BRD4: variants seen among roughly 807,000 people sequenced by gnomAD.
BRD4 encodes bromodomain-containing protein 4.
BRD4 carries 16 observed loss-of-function variants against 142.1 expected under a neutral mutation model. The observed-to-expected ratio is 0.11, with a 90% confidence interval of 0.08 to 0.17. The LOEUF (loss-of-function observed/expected upper bound fraction) is 0.17. Ranked by LOEUF, BRD4 falls within the 10% of genes least tolerant of loss-of-function variation. The pLI, the probability that BRD4 is intolerant of heterozygous loss-of-function variation, is 1.00. For synonymous variants in BRD4, 833 were observed against 707.5 expected, an observed-to-expected ratio of 1.18 and a Z score of -2.82; for missense variants, 1,424 against 1,810.9, an observed-to-expected ratio of 0.79 and a Z score of 3.88.
intron 7 of BRD4, among the ~76,000 whole-genome samples, chr19:15,258,747 C>A (rs1273675571): frequency 6.6e-6 from 1 of 152,008 alleles, no homozygotes; most frequent in African/African-American, 2.4e-5. Flanking sequence ...AGAACTGAGA[C>A]CACCATGCCC....
chr19:15,301,921 C>T (rs35673394), intron 1 of BRD4, among the ~76,000 whole-genome samples: 318 of 146,708 alleles, frequency 2.2e-3, no homozygotes, highest in Middle Eastern at 3.7e-3. Context: ...GGTCCCAGCA[C>T]ATTAGGAGGA....
chr19:15,265,347 G>T lies in BRD4; in HGVS notation c.849+7C>A. The T allele has an allele frequency of 6.7e-7, 1 of 1,500,448 alleles. No individual in the cohort carries two copies. Among genetic ancestry groups the T allele is most frequent in the South Asian group, 1.4e-5 (1 of 72,416 alleles). 92.9% of individuals were successfully genotyped at this position (1,500,448 alleles called of 1,614,324 possible). A position where few individuals can be genotyped will look rare whatever the true frequency, so the allele number is the denominator to read the frequency against. On this transcript the variant is annotated splice_region_variant and intron_variant, in intron 5 of 19. Transcript: ENST00000679869. ...TGAAGCAGCCCTCCAGAGTCCAGGA[G>T]ACTCACCTTCACAGGCTGTGGGGTG... is the stretch of plus-strand genomic sequence containing the variant.
chr19:15,254,203 A>G lies in BRD4; in HGVS notation c.2107T>C (p.Ser703Pro). Residue 703 changes from serine to proline, a missense_variant, in exon 11 of 20, where the codon TCG becomes CCG. Coordinates refer to ENST00000679869, the MANE Select transcript of BRD4 (RefSeq NM_001379291.1). The part of the protein sequence containing the change: ...SKMKGFSSSE[S>P]ESSSESSSSD... ...GAGCTGGACTCACTGGAGCTCTCCG[A>G]CTCTGAGGACGAGAAGCCCTTCATC... 1 of 1,613,990 alleles carries G rather than the reference A, an allele frequency of 6.2e-7. No individual in the cohort carries two copies. The highest frequency in any genetic ancestry group is 8.5e-7 in the Non-Finnish European group (1 of 1,179,970).
In BRD4 at chr19:15,257,067, G is replaced by C; in HGVS notation, c.1448C>G (p.Pro483Arg). 4.4e-6 allele frequency: 7 copies of C among 1,604,860 alleles called. No individual in the cohort carries two copies. The highest frequency in any genetic ancestry group is 5.9e-6 in the Non-Finnish European group (7 of 1,177,640). The part of the protein sequence containing the change: ...VPPPTKVVAP[P>R]SSSDSSSDSS... The stretch of plus-strand genomic sequence containing the variant: ...ATCGCTGCTGCTGTCGCTGGATGAG[G>C]GCGGGGCCACAACCTTGGTGGGAGG... Residue 483 changes from proline (P) to arginine (R), a missense_variant, in exon 8 of 20, where the codon CCC becomes CGC. Transcript: ENST00000679869.
chr19:15,327,785 A>C (rs1400030589), intron 1 of BRD4, among the ~76,000 whole-genome samples: 1 of 151,900 alleles, frequency 6.6e-6, no homozygotes, highest in African/African-American at 2.4e-5. Flanking sequence ...ACAAAAGGTT[A>C]CATATTGTAG....
rs2145516683 is a variant in BRD4 at position 15,244,506 on chromosome 19, G to A, written c.2306C>T (p.Pro769Leu). The A allele has an allele frequency of 6.5e-7, 1 of 1,544,140 alleles. No homozygotes were observed. The highest frequency in any genetic ancestry group is 8.7e-7 in the Non-Finnish European group (1 of 1,152,490). ...PPPQQPPPPP[P>L]PQQQQQPPPP... ...TGGCGGCTGCTGTTGCTGCTGCGGA[G>A]GTGGAGGCGGTGGGGGCTGCTGGGG... The change falls in exon 13 of 20, where the codon CCT becomes CTT. Residue 769 changes from proline to leucine, a missense_variant. Transcript: ENST00000679869.
At chr19:15,315,393 G>C (rs1314239606) in intron 1 of BRD4, among the ~76,000 whole-genome samples, 1 of 152,128 alleles carries the variant, frequency 6.6e-6, no homozygotes, top group East Asian at 1.9e-4. Flanking sequence ...ATGCAGAACA[G>C]TGTCTGATTA....
At chr19:15,323,714 C>T (rs1249827167) in intron 1 of BRD4, among the ~76,000 whole-genome samples, 1 of 152,116 alleles carries the variant, frequency 6.6e-6, no homozygotes, top group African/African-American at 2.4e-5. Context: ...TGACAATGTA[C>T]CAGTGTCTCC....
At chr19:15,314,916 TGTCTGGAA>T (rs2048003442) in intron 1 of BRD4, among the ~76,000 whole-genome samples, 1 of 152,134 alleles carries the variant, frequency 6.6e-6, no homozygotes, top group Non-Finnish European at 1.5e-5. Flanking sequence ...TTTGGGGGGA[TGTCTGGAA>T]GAAGAATCAA....
intron 11 of BRD4, 84 bp downstream of exon 11, chr19:15,254,068 T>C: frequency 1.7e-6 from 2 of 1,187,122 alleles, no homozygotes; most frequent in South Asian, 1.3e-5. Flanking sequence ...CTCTGGGCTC[T>C]AGCATCCTGG....
At chr19:15,293,068 T>G in intron 1 of BRD4, among the ~76,000 whole-genome samples, 1 of 151,938 alleles carries the variant, frequency 6.6e-6, no homozygotes. Context: ...ATGCTAAAAG[T>G]TCAAGGAGGC....
At chr19:15,252,434 A>C (rs1408605058) in intron 11 of BRD4, among the ~76,000 whole-genome samples, 1 of 152,256 alleles carries the variant, frequency 6.6e-6, no homozygotes, top group Non-Finnish European at 1.5e-5. Context: ...CAGGAGGTGC[A>C]AAAACCCAGA....
chr19:15,250,009 C>T (rs2047327600), intron 11 of BRD4, among the ~76,000 whole-genome samples: 1 of 152,172 alleles, frequency 6.6e-6, no homozygotes, highest in Admixed American at 6.5e-5. Context: ...ACATGGCTCC[C>T]TGGACCAGGG....
At chr19:15,329,737 AAAAAAAT>A (rs771825519) in intron 1 of BRD4, among the ~76,000 whole-genome samples, 5 of 152,238 alleles carry the variant, frequency 3.3e-5, no homozygotes, top group South Asian at 4.1e-4. Context: ...AGACTCTCTC[AAAAAAAT>A]AAAAAATAAA....
At chr19:15,331,681 TG>T (rs2048160568) in intron 1 of BRD4, among the ~76,000 whole-genome samples, 3 of 151,578 alleles carry the variant, frequency 2.0e-5, no homozygotes, top group African/African-American at 7.3e-5. Flanking sequence ...GAGATGGGGG[TG>T]GGGGCGCGCT....
Position 15,237,248 on chromosome 19 carries a change from G to C in BRD4, c.*1129C>G, listed in dbSNP as rs1417125688. ...AACAAAAAAGCCAACAAATGGGTGG[G>C]GGGGGGGGGGGTGGAGGGGAAAGAA... On this transcript the variant is annotated 3_prime_UTR_variant, in exon 20 of 20. Coordinates refer to ENST00000679869, the MANE Select transcript of BRD4 (RefSeq NM_001379291.1). The C allele has an allele frequency of 2.3e-4, 26 of 115,548 alleles. No individual in the cohort carries two copies. In the East Asian group the frequency reaches 3.9e-3, roughly 17 times the overall value. 7.2% of individuals were successfully genotyped at this position (115,548 alleles called of 1,614,324 possible).
chr19:15,286,776 A>G (rs1406319074), intron 1 of BRD4, among the ~76,000 whole-genome samples: 5 of 152,208 alleles, frequency 3.3e-5, no homozygotes, highest in African/African-American at 9.6e-5. Flanking sequence ...AACTAAACTG[A>G]GCATCAGCTT....
At chr19:15,261,469 G>A (rs1351410521) in intron 7 of BRD4, among the ~76,000 whole-genome samples, 5 of 151,704 alleles carry the variant, frequency 3.3e-5, no homozygotes, top group Non-Finnish European at 4.4e-5. Context: ...GCGACAGAAA[G>A]AGACTCCATC....
intron 11 of BRD4, among the ~76,000 whole-genome samples, chr19:15,245,560 T>C (rs908084227): frequency 1.3e-5 from 2 of 151,996 alleles, no homozygotes; most frequent in African/African-American, 4.8e-5. Context: ...GGGTCCAGGG[T>C]GTGTCTGCCC....
Sources: gnomAD v4.1 joint callset for allele counts (sites outside exome capture counted in the v4.1 genomes callset) on GRCh38, gnomAD v4.1.1 for gene constraint, MANE v1.5 for transcripts, NCBI Gene and HGNC (gene_info 2026-07-23, HGNC 2026-07-21) for gene names.